The following ESR1 variants were observed in gnomAD, a reference collection of about 807,000 sequenced individuals.
ESR1 encodes estrogen receptor.
ESR1 carries 12 observed loss-of-function variants against 52.7 expected under a neutral mutation model. That is an observed-to-expected ratio of 0.23 (90% CI 0.15 to 0.37). The LOEUF (loss-of-function observed/expected upper bound fraction) is 0.37, where lower values mean the gene tolerates loss of function less well. ESR1 is among the 10% of genes least tolerant of loss of function. The pLI is 1.00. For synonymous variants in ESR1, 305 were observed against 316.8 expected (o/e 0.96, Z 0.39); for missense variants, 584 against 779.7 (o/e 0.75, Z 2.99).
At chr6:151,989,753 A>G (rs6912180) in intron 4 of ESR1, among the ~76,000 whole-genome samples, 4,356 of 152,170 alleles carry the variant, frequency 0.029, 222 homozygotes, top group African/African-American at 0.097. Flanking sequence ...CAATATCTAT[A>G]TTAGTTTTAA....
At chr6:151,815,761 G>T (rs922837905) in intron 1 of ESR1, among the ~76,000 whole-genome samples, 1 of 152,196 alleles carries the variant, frequency 6.6e-6, no homozygotes, top group African/African-American at 2.4e-5. Flanking sequence ...CTTTGCAGAC[G>T]TGTGGAATGG....
chr6:152,083,935 G>A (rs545603944), intron 6 of ESR1, among the ~76,000 whole-genome samples: 1 of 152,160 alleles, frequency 6.6e-6, no homozygotes, highest in Non-Finnish European at 1.5e-5. Context: ...TATACCCAAA[G>A]GATTATAAAT....
At chr6:151,837,187 G>T (rs1783493646) in intron 1 of ESR1, among the ~76,000 whole-genome samples, 1 of 138,854 alleles carries the variant, frequency 7.2e-6, no homozygotes, top group Non-Finnish European at 1.5e-5. Flanking sequence ...TGCAACCTCT[G>T]CCTCCTGTGT....
chr6:151,987,046 T>C (rs1237341913), intron 4 of ESR1, among the ~76,000 whole-genome samples: 1 of 152,062 alleles, frequency 6.6e-6, no homozygotes, highest in Admixed American at 6.5e-5. Flanking sequence ...ATTCCTACTC[T>C]GAGACCTTGG....
chr6:151,743,556 G>A (rs542516798), intron 2 of ESR1, among the ~76,000 whole-genome samples: 2 of 152,294 alleles, frequency 1.3e-5, no homozygotes, highest in South Asian at 4.1e-4. Flanking sequence ...CTAAAACTGA[G>A]TTCAAGCATC....
At position 152,099,230 on chromosome 6, in the gene ESR1, T is replaced by C. The variant is rs113330435; in HGVS notation, c.*264T>C. On this transcript the variant is annotated 3_prime_UTR_variant, in exon 8 of 8. Transcript: ENST00000206249. ...CTTGCTATGTTACTAAGCGTGAGGA[T>C]TCCCGTAGCTCTTCACAGCTGAACT... 3.1e-3 allele frequency: 1,610 copies of C among 519,798 alleles called. 9 individuals carry two copies. The highest frequency in any genetic ancestry group is 4.7e-3 in the Non-Finnish European group (1,329 of 284,118). The allele number at this position is 519,798 out of a possible 1,614,324, so 32.2% of individuals were successfully genotyped here.
At chr6:151,782,758 T>C (rs1786667719) in intron 2 of ESR1, among the ~76,000 whole-genome samples, 1 of 152,204 alleles carries the variant, frequency 6.6e-6, no homozygotes, top group African/African-American at 2.4e-5. Context: ...AATGTGTGAA[T>C]GGACAATTAA....
At chr6:152,080,894 A>T (rs1298582461) in intron 6 of ESR1, among the ~76,000 whole-genome samples, 4 of 152,192 alleles carry the variant, frequency 2.6e-5, no homozygotes, top group Non-Finnish European at 5.9e-5. Flanking sequence ...ATCAAAAGAG[A>T]CAAAGACAGC....
At chr6:151,678,205 G>T (rs1035205949) in intron 1 of ESR1, among the ~76,000 whole-genome samples, 3 of 152,178 alleles carry the variant, frequency 2.0e-5, no homozygotes, top group Non-Finnish European at 2.9e-5. Flanking sequence ...GGGCACAGTG[G>T]CTCATGCCTA....
intron 5 of ESR1, among the ~76,000 whole-genome samples, chr6:152,029,165 G>A (rs1047351578): frequency 6.6e-6 from 1 of 152,018 alleles, no homozygotes; most frequent in Non-Finnish European, 1.5e-5. Flanking sequence ...AAAGACCAAA[G>A]GTAGATAAAT....
At chr6:151,943,363 C>G (rs961207966) in intron 3 of ESR1, among the ~76,000 whole-genome samples, 9 of 148,480 alleles carry the variant, frequency 6.1e-5, no homozygotes, top group South Asian at 2.1e-4. Flanking sequence ...CTGGGTGACA[C>G]AGCGAGACTC....
At chr6:151,950,420 G>A (rs988018049) in intron 4 of ESR1, among the ~76,000 whole-genome samples, 2 of 152,110 alleles carry the variant, frequency 1.3e-5, no homozygotes, top group African/African-American at 4.8e-5. Context: ...AGTGTGTTAT[G>A]GGCTGAGTTG....
chr6:151,826,867 A>G (rs1781589029), intron 1 of ESR1, among the ~76,000 whole-genome samples: 1 of 152,190 alleles, frequency 6.6e-6, no homozygotes, highest in Admixed American at 6.5e-5. Context: ...ATTCCATTAC[A>G]CAGGTGACAT....
At chr6:151,926,773 A>C (rs937791671) in intron 3 of ESR1, among the ~76,000 whole-genome samples, 1 of 152,124 alleles carries the variant, frequency 6.6e-6, no homozygotes, top group African/African-American at 2.4e-5. Flanking sequence ...AATTTTCTGC[A>C]TAGATAATCA....
intron 1 of ESR1, among the ~76,000 whole-genome samples, chr6:151,683,864 ATTTT>A (rs66983259): frequency 0.024 from 2,838 of 118,446 alleles, 87 homozygotes; most frequent in African/African-American, 0.086. Context: ...ACGTCTGGCT[ATTTT>A]TTTTTTTTTT....
rs773500294 is a variant in ESR1, at chr6:151,808,208, C to G, written c.296C>G (p.Pro99Arg). The part of the protein sequence containing the change: ...FGSNGLGGFP[P>R]LNSVSPSPLM... ...TCCAACGGCCTGGGGGGTTTCCCCC[C>G]ACTCAACAGCGTGTCTCCGAGCCCG... The change falls in exon 1 of 8, where the codon CCA becomes CGA. Residue 99 changes from proline (P) to arginine (R), a missense_variant. Pro to Arg is a moderately radical substitution (Grantham distance 103). Around this residue, in one of 6 missense-constraint regions of ESR1, gnomAD observed 251 missense variants for 246.1 expected, o/e 1.02. Transcript: ENST00000206249. The G allele has an allele frequency of 1.9e-6, 3 of 1,572,928 alleles. No homozygotes were observed. Among genetic ancestry groups the G allele is most frequent in the East Asian group, 2.3e-5 (1 of 42,784 alleles).
At chr6:151,946,404 A>C (rs1331835084) in intron 4 of ESR1, among the ~76,000 whole-genome samples, 1 of 152,222 alleles carries the variant, frequency 6.6e-6, no homozygotes, top group Non-Finnish European at 1.5e-5. Context: ...TTAAGCTCAA[A>C]TACATTACCA....
chr6:152,005,733 A>G (rs958652099), intron 4 of ESR1, among the ~76,000 whole-genome samples: 2 of 152,098 alleles, frequency 1.3e-5, no homozygotes, highest in Non-Finnish European at 2.9e-5. Flanking sequence ...AGATGGCTGT[A>G]GACCACAGAA....
intron 3 of ESR1, among the ~76,000 whole-genome samples, chr6:151,904,082 A>G (rs1470142718): frequency 6.6e-6 from 1 of 152,214 alleles, no homozygotes; most frequent in African/African-American, 2.4e-5. Flanking sequence ...TCACATAAGC[A>G]TGACTGAAGT....
Sources: allele counts gnomAD v4.1 joint callset (sites outside exome capture counted in the v4.1 genomes callset), GRCh38; gene constraint gnomAD v4.1.1; regional missense constraint gnomAD v4.1.1; transcripts MANE v1.5; gene names NCBI Gene and HGNC (gene_info 2026-07-23, HGNC 2026-07-21).